Variants in CDHR1 observed in about 807,000 individuals in gnomAD.
CDHR1 encodes the protein cadherin-related family member 1.
In CDHR1, 61 loss-of-function variants were observed where a neutral mutation model predicts 72.1. That is an observed-to-expected ratio of 0.85 (90% CI 0.69 to 1.05). CDHR1 has a LOEUF of 1.05. Ranked by LOEUF, CDHR1 falls within the 50% of genes least tolerant of loss-of-function variation. The pLI is 0.00. For missense variants in CDHR1, 1,186 were observed against 1,115.7 expected, an observed-to-expected ratio of 1.06 and a Z score of -0.90; for synonymous variants, 470 against 448.1, an observed-to-expected ratio of 1.05 and a Z score of -0.62.
At position 84,217,697 on chromosome 10, in the gene CDHR1, G is replaced by C; in HGVS notation, c.*3076G>C. The C allele has an allele frequency of 1.0e-6, 1 of 985,456 alleles. No individual in the cohort carries two copies. 61.0% of individuals were successfully genotyped at this position (985,456 alleles called of 1,614,324 possible). A position where few individuals can be genotyped will look rare whatever the true frequency, so the allele number is the denominator to read the frequency against. On this transcript the variant is annotated 3_prime_UTR_variant, in exon 17 of 17. Coordinates refer to ENST00000623527, the MANE Select transcript of CDHR1 (RefSeq NM_033100.4). ...TCCTGAAAGAGAGGACCCCCTCCATGCATCCTCACCCCCCAGGATGTTTCC... is the reference window on the plus strand; with the variant it reads ...TCCTGAAAGAGAGGACCCCCTCCATCCATCCTCACCCCCCAGGATGTTTCC...
chr10:84,213,287 A>T lies in CDHR1; in HGVS notation c.1979A>T (p.Asp660Val), dbSNP rs778814131. 3.1e-6 allele frequency: 5 copies of T among 1,614,128 alleles called. No homozygotes were observed. Among genetic ancestry groups the T allele is most frequent in the Non-Finnish European group, 4.2e-6 (5 of 1,180,048 alleles). The change falls in exon 16 of 17, where the codon GAC (aspartate) becomes GTC (valine). Residue 660 changes from aspartate (D) to valine (V), a missense_variant. Coordinates refer to ENST00000623527, the MANE Select transcript of CDHR1 (RefSeq NM_033100.4). ...TGGTCCCTAGAGGTGCAGGCCAAGG[A>T]CCGGGGCTCCCCATCCTTCAGCACC... ...CLWSLEVQAK[D>V]RGSPSFSTTA...
chr10:84,219,197 A>C (rs1842472169), downstream of CDHR1: 6 of 1,550,696 alleles, frequency 3.9e-6, no homozygotes, highest in Non-Finnish European at 5.2e-6. Context: ...TTGCATCCCC[A>C]CTGCGAAATT....
In CDHR1 at chr10:84,202,900, A is replaced by G. The variant is rs1842152991; in HGVS notation, c.640-80A>G. The G allele has an allele frequency of 1.1e-5, 17 of 1,566,080 alleles. 1 individual carries two copies. In the South Asian group the frequency reaches 1.8e-4, roughly 17 times the overall value. Reference sequence around the variant, plus strand: ...CTGGCCTCACAGCCATAGGTGGCAGAAGCCAGGTTTTCACGGATTCTGTCC... The same window carrying G: ...CTGGCCTCACAGCCATAGGTGGCAGGAGCCAGGTTTTCACGGATTCTGTCC... On this transcript the variant is annotated intron_variant, in intron 7 of 16. Transcript: ENST00000623527.
intron 13 of CDHR1, 123 bp from the exon 14 acceptor site, chr10:84,211,525 C>A: frequency 1.2e-6 from 1 of 869,264 alleles, no homozygotes; most frequent in South Asian, 1.5e-5. Flanking sequence ...CCACCAATTT[C>A]TCCCCAGTTG....
Position 84,217,758 on chromosome 10 carries a change from T to G in CDHR1, c.*3137T>G. On this transcript the variant is annotated 3_prime_UTR_variant, in exon 17 of 17. Transcript: ENST00000623527. ...AGGTCCAGAAGCTTTTACTTCATGC[T>G]AGAAAAAGAGAAGAGAGTGGATCCA... 2.0e-6 allele frequency: 2 copies of G among 985,286 alleles called. No individual in the cohort carries two copies. The highest frequency in any genetic ancestry group is 2.4e-6 in the Non-Finnish European group (2 of 829,930). The allele number at this position is 985,286 out of a possible 1,614,324, so 61.0% of individuals were successfully genotyped here. A position where few individuals can be genotyped will look rare whatever the true frequency, so the allele number is the denominator to read the frequency against.
intron 5 of CDHR1, 34 bp downstream of exon 5, chr10:84,199,155 C>G (rs1472293055): frequency 6.6e-7 from 1 of 1,522,978 alleles, no homozygotes; most frequent in East Asian, 2.5e-5. Context: ...GCTGATTTTC[C>G]CACCCAGGCC....
chr10:84,205,473 C>T lies in CDHR1; in HGVS notation c.863-354C>T, dbSNP rs552888977. Among the ~76,000 whole-genome samples the T allele has an allele frequency of 7.4e-5, 11 of 149,356 alleles. No individual in the cohort carries two copies. In the South Asian group the frequency reaches 1.7e-3, roughly 23 times the overall value. On this transcript the variant is annotated intron_variant, in intron 9 of 16. Coordinates refer to ENST00000623527, the MANE Select transcript of CDHR1 (RefSeq NM_033100.4). ...TCTTTCCCCCCTCCCCTTCCATGTC[C>T]GTCTCTCACTGTATGTCCTCCTGCT...
Position 84,196,531 on chromosome 10 carries a change from A to T in CDHR1, c.178A>T (p.Thr60Ser). Residue 60 changes from threonine (T) to serine (S), a missense_variant, in exon 3 of 17, where the codon ACA (threonine) becomes TCA (serine). Coordinates refer to ENST00000623527, the MANE Select transcript of CDHR1 (RefSeq NM_033100.4). ...VGSHVYTLNG[T>S]DPEGDPISYH... is the part of the protein sequence containing the mutation. ...CTCTCACGTATACACCCTGAATGGGACAGACCCTGAGGGAGACCCCATCTC... is the reference window on the plus strand; with the variant it reads ...CTCTCACGTATACACCCTGAATGGGTCAGACCCTGAGGGAGACCCCATCTC... The T allele has an allele frequency of 6.2e-7, 1 of 1,614,200 alleles. No individual in the cohort carries two copies. Among genetic ancestry groups the T allele is most frequent in the East Asian group, 2.2e-5 (1 of 44,888 alleles).
rs940887950 is a variant in CDHR1, at chr10:84,212,515, C to A, written c.1782+108C>A. 1.0e-5 allele frequency: 9 copies of A among 865,970 alleles called. No homozygotes were observed. In the African/African-American group the frequency reaches 1.5e-4, roughly 15 times the overall value. 53.6% of individuals were successfully genotyped at this position (865,970 alleles called of 1,614,324 possible). On this transcript the variant is annotated intron_variant, in intron 15 of 16. Transcript: ENST00000623527. Reference sequence around the variant, plus strand: ...AAGATAAAATTTTTTGGCTTCCCACCATGGACAAAGGACTTTAAGACATTT... The same window carrying A: ...AAGATAAAATTTTTTGGCTTCCCACAATGGACAAAGGACTTTAAGACATTT...
rs1040742878 is a variant in CDHR1 at position 84,194,803 on chromosome 10, C to T, written c.43C>T (p.Arg15Cys). Residue 15 changes from arginine (R) to cysteine (C), a missense_variant, in exon 1 of 17, where the codon CGC becomes TGC. Transcript: ENST00000623527. Reference protein sequence around the residue: ...RWAALALGLLRLCLAQANFAP... With the variant: ...RWAALALGLLCLCLAQANFAP... ...GGCCGCCCTGGCCCTGGGGCTGCTG[C>T]GCCTCTGCTTGGGTGAGTGGCCGCT... is the stretch of plus-strand genomic sequence containing the variant. 1.2e-5 allele frequency: 18 copies of T among 1,532,342 alleles called. No individual in the cohort carries two copies. Among genetic ancestry groups the T allele is most frequent in the South Asian group, 2.4e-5 (2 of 83,906 alleles). The allele number at this position is 1,532,342 out of a possible 1,614,324, so 94.9% of individuals were successfully genotyped here.
chr10:84,200,625 T>C lies in CDHR1; in HGVS notation c.463T>C (p.Phe155Leu). 1 of 1,612,202 alleles carries C rather than the reference T, an allele frequency of 6.2e-7. No individual in the cohort carries two copies. Among genetic ancestry groups the C allele is most frequent in the Non-Finnish European group, 8.5e-7 (1 of 1,179,258 alleles). ...PEDIPAGSII[F>L]KVHAVDRDTG... ...GGACATACCTGCTGGGAGCATCATCTTTAAGGTCCATGCAGTGGACAGGGA... is the reference window on the plus strand; with the variant it reads ...GGACATACCTGCTGGGAGCATCATCCTTAAGGTCCATGCAGTGGACAGGGA... The change falls in exon 6 of 17, where the codon TTT becomes CTT. Residue 155 changes from phenylalanine (F) to leucine (L), a missense_variant. Phe to Leu is a conservative substitution (Grantham distance 22). Transcript: ENST00000623527.
At chr10:84,197,895 G>C (rs1418239641) in intron 4 of CDHR1, 59 bp downstream of exon 4, 1 of 1,513,220 alleles carries the variant, frequency 6.6e-7, no homozygotes, top group Admixed American at 1.7e-5. Flanking sequence ...TGAGAAGGGT[G>C]AGGCTGGCAC....
intron 16 of CDHR1, among the ~76,000 whole-genome samples, chr10:84,213,600 C>A (rs529198718): frequency 6.6e-6 from 1 of 152,176 alleles, no homozygotes; most frequent in African/African-American, 2.4e-5. Context: ...GATAAGGATG[C>A]CTCCTTCACA....
At chr10:84,203,421 CT>C (rs376420240) in intron 8 of CDHR1, among the ~76,000 whole-genome samples, 4,064 of 147,974 alleles carry the variant, frequency 0.027, 169 homozygotes, top group African/African-American at 0.092. Context: ...TTATTCTTGA[CT>C]TTTTTTTTTT....
At chr10:84,196,879 C>A (rs575421929) in intron 3 of CDHR1, among the ~76,000 whole-genome samples, 1 of 152,184 alleles carries the variant, frequency 6.6e-6, no homozygotes, top group Non-Finnish European at 1.5e-5. Context: ...GCTCCTTTAA[C>A]GAGCACCTGC....
rs1842401949 is a variant in CDHR1, at chr10:84,214,820, C to T, written c.*199C>T. ...GCTCTGACAGGGCTCTAGTCAGGGC[C>T]TTGGGCAAGACATTGGGCTCTAGGA... On this transcript the variant is annotated 3_prime_UTR_variant, in exon 17 of 17. Coordinates refer to ENST00000623527, the MANE Select transcript of CDHR1 (RefSeq NM_033100.4). 4.0e-6 allele frequency: 6 copies of T among 1,499,488 alleles called. No individual in the cohort carries two copies. In the Admixed American group the frequency reaches 1.4e-4, roughly 34 times the overall value. 92.9% of individuals were successfully genotyped at this position (1,499,488 alleles called of 1,614,324 possible). A position where few individuals can be genotyped will look rare whatever the true frequency, so the allele number is the denominator to read the frequency against.
chr10:84,206,373 G>A (rs139319504), intron 10 of CDHR1, among the ~76,000 whole-genome samples: 8 of 152,350 alleles, frequency 5.3e-5, no homozygotes, highest in African/African-American at 1.9e-4. Flanking sequence ...GGTCCTGAAT[G>A]GGAGGTATGG....
intron 10 of CDHR1, among the ~76,000 whole-genome samples, chr10:84,206,433 T>C (rs988347133): frequency 1.3e-5 from 2 of 152,224 alleles, no homozygotes; most frequent in Non-Finnish European, 2.9e-5. Flanking sequence ...ACAAGGACTA[T>C]ACTTAGGAGG....
At chr10:84,211,924 G>A (rs1206034226) in intron 14 of CDHR1, among the ~76,000 whole-genome samples, 1 of 152,186 alleles carries the variant, frequency 6.6e-6, no homozygotes, top group East Asian at 1.9e-4. Flanking sequence ...GGCTGGCTGG[G>A]GAGGGGGCAG....
Sources: gnomAD v4.1 joint callset for allele counts (sites outside exome capture counted in the v4.1 genomes callset) on GRCh38, gnomAD v4.1.1 for gene constraint, MANE v1.5 for transcripts, NCBI Gene and HGNC (gene_info 2026-07-23, HGNC 2026-07-21) for gene names.